DLGAP2: variants seen among roughly 807,000 people sequenced by gnomAD.
The protein encoded by DLGAP2 is DLG associated protein 2, also known as disks large-associated protein 2.
In DLGAP2, 26 loss-of-function variants were observed where a neutral mutation model predicts 100.3. That is an observed-to-expected ratio of 0.26 (90% CI 0.19 to 0.36). The LOEUF (loss-of-function observed/expected upper bound fraction) is 0.36. DLGAP2 is among the 10% of genes least tolerant of loss of function. The probability of loss-of-function intolerance (pLI) is 1.00; values close to 1 mark genes in which losing one functional copy is unlikely to be tolerated. For synonymous variants in DLGAP2, 886 were observed against 630.1 expected (o/e 1.41, Z -6.08); for missense variants, 1,858 against 1,453.2 (o/e 1.28, Z -4.53).
At chr8:1,156,043 C>A (rs974559566) in intron 2 of DLGAP2, among the ~76,000 whole-genome samples, 1 of 152,148 alleles carries the variant, frequency 6.6e-6, no homozygotes, top group Non-Finnish European at 1.5e-5. Context: ...GTCCCTGACA[C>A]CCGCACGGCT....
intron 2 of DLGAP2, among the ~76,000 whole-genome samples, chr8:1,087,101 G>A (rs1224999915): frequency 1.3e-5 from 2 of 152,146 alleles, no homozygotes; most frequent in Admixed American, 6.5e-5. Flanking sequence ...ACATGAGGAA[G>A]TTCAGAAAAT....
At chr8:1,041,715 A>G (rs1585005938) in intron 2 of DLGAP2, among the ~76,000 whole-genome samples, 1 of 104,830 alleles carries the variant, frequency 9.5e-6, no homozygotes, top group Non-Finnish European at 1.8e-5. Context: ...GCCGTGGGTG[A>G]GTGTTCTCCG....
chr8:1,370,486 T>A (rs181784424), intron 3 of DLGAP2, among the ~76,000 whole-genome samples: 1 of 152,356 alleles, frequency 6.6e-6, no homozygotes, highest in Admixed American at 6.5e-5. Context: ...CTCCTTTATC[T>A]TCTATTTAAA....
chr8:1,580,331 G>C (rs1054128841), intron 6 of DLGAP2, among the ~76,000 whole-genome samples: 1 of 152,186 alleles, frequency 6.6e-6, no homozygotes, highest in African/African-American at 2.4e-5. Flanking sequence ...CATGGTTTCA[G>C]AAATAAAGGA....
chr8:1,650,168 G>A (rs1014698484), intron 8 of DLGAP2, among the ~76,000 whole-genome samples: 3 of 152,080 alleles, frequency 2.0e-5, no homozygotes, highest in African/African-American at 7.2e-5. Flanking sequence ...TAACCATTTC[G>A]ATCAATTACA....
intron 2 of DLGAP2, among the ~76,000 whole-genome samples, chr8:1,113,396 C>T (rs952501467): frequency 6.6e-6 from 1 of 152,166 alleles, no homozygotes; most frequent in Non-Finnish European, 1.5e-5. Context: ...TGGTAATTCT[C>T]ATTGAAGAGA....
chr8:1,170,752 C>A (rs1250710323), intron 2 of DLGAP2, among the ~76,000 whole-genome samples: 1 of 150,152 alleles, frequency 6.7e-6, no homozygotes, highest in Non-Finnish European at 1.5e-5. Context: ...TTTTTTATTG[C>A]ATCTATTTGA....
chr8:961,550 G>C (rs1361400740), intron 2 of DLGAP2, among the ~76,000 whole-genome samples: 2 of 152,122 alleles, frequency 1.3e-5, no homozygotes, highest in Non-Finnish European at 2.9e-5. Context: ...TTCTATATAG[G>C]GGGAGCTGTC....
chr8:956,485 C>T (rs951994916), intron 2 of DLGAP2, among the ~76,000 whole-genome samples: 3 of 152,180 alleles, frequency 2.0e-5, no homozygotes, highest in African/African-American at 7.2e-5. Context: ...AATCATCTGT[C>T]CACCCGCTGG....
intron 1 of DLGAP2, among the ~76,000 whole-genome samples, chr8:823,194 G>T (rs1380269653): frequency 6.6e-6 from 1 of 152,110 alleles, no homozygotes; most frequent in Non-Finnish European, 1.5e-5. Flanking sequence ...CTCAGAAGAT[G>T]GTGTTGACTT....
intron 1 of DLGAP2, among the ~76,000 whole-genome samples, chr8:744,521 G>T (rs1820567097): frequency 1.3e-5 from 2 of 151,764 alleles, no homozygotes; most frequent in African/African-American, 4.8e-5. Context: ...CTGGCCGTCT[G>T]CTCCCCACGG....
chr8:1,156,794 G>A (rs1240633904), intron 2 of DLGAP2, among the ~76,000 whole-genome samples: 1 of 152,092 alleles, frequency 6.6e-6, no homozygotes. Context: ...TCTCCTTTTT[G>A]CTTTGTTCCC....
At chr8:981,230 G>T (rs542393670) in intron 2 of DLGAP2, among the ~76,000 whole-genome samples, 7 of 152,114 alleles carry the variant, frequency 4.6e-5, no homozygotes, top group African/African-American at 1.7e-4. Flanking sequence ...GGCTCATCTG[G>T]GTTGTGGCAT....
intron 9 of DLGAP2, 91 bp downstream of exon 9, chr8:1,668,769 T>A: frequency 8.4e-7 from 1 of 1,187,356 alleles, no homozygotes. Flanking sequence ...CGGCCCTGGG[T>A]CCTTAGCACT....
chr8:806,174 T>C (rs1481848540), intron 1 of DLGAP2, among the ~76,000 whole-genome samples: 3 of 152,198 alleles, frequency 2.0e-5, no homozygotes, highest in Admixed American at 2.0e-4. Flanking sequence ...CTAATCGGAT[T>C]GACTTGGTTG....
intron 2 of DLGAP2, among the ~76,000 whole-genome samples, chr8:1,157,929 T>C (rs560124120): frequency 6.6e-6 from 1 of 152,294 alleles, no homozygotes; most frequent in South Asian, 2.1e-4. Flanking sequence ...TCAACAGTTA[T>C]CATCCACACT....
intron 3 of DLGAP2, among the ~76,000 whole-genome samples, chr8:1,305,607 T>A (rs1800471514): frequency 6.6e-6 from 1 of 152,192 alleles, no homozygotes; most frequent in African/African-American, 2.4e-5. Context: ...CTTGAAACAC[T>A]GCAGTCCTCC....
chr8:957,041 A>T, intron 2 of DLGAP2, among the ~76,000 whole-genome samples: 1 of 152,212 alleles, frequency 6.6e-6, no homozygotes, highest in Non-Finnish European at 1.5e-5. Flanking sequence ...CCTGGCTTAT[A>T]ATTTCAAGCA....
At chr8:1,520,554 C>A (rs751306738) in intron 4 of DLGAP2, among the ~76,000 whole-genome samples, 15 of 152,138 alleles carry the variant, frequency 9.9e-5, no homozygotes, top group Non-Finnish European at 2.1e-4. Context: ...GAGCAGTTTC[C>A]TTGCCCTAAA....
Sources: allele counts gnomAD v4.1 joint callset (sites outside exome capture counted in the v4.1 genomes callset), GRCh38; gene constraint gnomAD v4.1.1; transcripts MANE v1.5; gene names NCBI Gene and HGNC (gene_info 2026-07-23, HGNC 2026-07-21).